Variants in ANKRD26 observed in about 807,000 individuals in gnomAD.
The protein encoded by ANKRD26 is ankyrin repeat domain 26.
Under a neutral mutation model 208.7 loss-of-function variants are expected in ANKRD26, and 141 were observed. That is an observed-to-expected ratio of 0.68 (90% confidence interval 0.59 to 0.78). The LOEUF is 0.78. Ranked by LOEUF, ANKRD26 falls within the 30% of genes least tolerant of loss-of-function variation. ANKRD26 has a pLI of 0.00. For synonymous variants in ANKRD26, 636 were observed against 660.4 expected, an observed-to-expected ratio of 0.96 and a Z score of 0.57; for missense variants, 1,889 against 1,938.7, an observed-to-expected ratio of 0.97 and a Z score of 0.48.
At chr10:27,057,458 T>C (rs2054877082) in intron 15 of ANKRD26, among the ~76,000 whole-genome samples, 1 of 152,222 alleles carries the variant, frequency 6.6e-6, no homozygotes, top group African/African-American at 2.4e-5. Context: ...TGTCTAACCA[T>C]TTTAGGTTTA....
rs11015495 is a variant in ANKRD26, at chr10:27,060,633, C to T, written c.1463-93G>A. 0.065 allele frequency: 62,580 copies of T among 967,032 alleles called. 2,322 individuals carry two copies. Among genetic ancestry groups the T allele is most frequent in the African/African-American group, 0.13 (7,804 of 59,902 alleles). 59.9% of individuals were successfully genotyped at this position (967,032 alleles called of 1,614,324 possible). A position where few individuals can be genotyped will look rare whatever the true frequency, so the allele number is the denominator to read the frequency against. On this transcript the variant is annotated intron_variant, in intron 13 of 33. Transcript: ENST00000376087. ...AGTGTTAGTATGACCAGAATCATCACGCTTGGTTTGAAAATGATTATGTTA... is the reference window on the plus strand; with the variant it reads ...AGTGTTAGTATGACCAGAATCATCATGCTTGGTTTGAAAATGATTATGTTA...
In ANKRD26 at chr10:26,996,024, C is replaced by T. The variant is rs183439914; in HGVS notation, c.563-877G>A. The stretch of plus-strand genomic sequence containing the variant: ...AACAACTATTGGCTGTGTGGATCTA[C>T]AGGAATTCTTGAGAAGGCACTGTAG... On this transcript the variant is annotated intron_variant, in intron 4 of 5. Transcript: ENST00000445828. Among the ~76,000 whole-genome samples, 3 of 152,120 alleles carry T rather than the reference C, an allele frequency of 2.0e-5. No homozygotes were observed. The East Asian group carries it at 5.8e-4, about 29-fold the overall frequency.
chr10:26,951,013 C>CTTTTCTTTTTTTTTTTTTTTTTT, the ANKRD26 span, among the ~76,000 whole-genome samples: 31 of 100,912 alleles, frequency 3.1e-4, 4 homozygotes, highest in East Asian at 1.9e-3. Context: ...CTTTTCTTTT[C>CTTTTCTTTTTTTTTTTTTTTTTT]TTTTTCTTTT....
intron 16 of ANKRD26, among the ~76,000 whole-genome samples, chr10:27,050,219 CAAAAAAAAAAAAAAA>C (rs67384671): frequency 6.1e-5 from 2 of 33,036 alleles, no homozygotes; most frequent in South Asian, 2.3e-3. Flanking sequence ...GAATCTGTCT[CAAAAAAAAAAAAAAA>C]AAAAAAAAAA....
intron 32 of ANKRD26, among the ~76,000 whole-genome samples, chr10:27,008,899 G>T (rs904183833): frequency 7.2e-5 from 11 of 152,102 alleles, no homozygotes; most frequent in African/African-American, 9.7e-5. Flanking sequence ...GAGTGTAGTG[G>T]AGTAATCTCG....
At chr10:27,024,625 A>G in intron 27 of ANKRD26, 66 bp from the exon 28 acceptor site, 1 of 914,494 alleles carries the variant, frequency 1.1e-6, no homozygotes, top group Non-Finnish European at 1.8e-6. Context: ...TAAAACTATT[A>G]TTTCTTATGA....
chr10:26,990,543 C>T (rs1347742685), downstream of ANKRD26, among the ~76,000 whole-genome samples: 1 of 152,120 alleles, frequency 6.6e-6, no homozygotes, highest in African/African-American at 2.4e-5. Flanking sequence ...AGGTCAGTTC[C>T]TTATATGCAC....
At chr10:27,009,614 A>G (rs188557430) in intron 32 of ANKRD26, among the ~76,000 whole-genome samples, 1 of 152,350 alleles carries the variant, frequency 6.6e-6, no homozygotes, top group African/African-American at 2.4e-5. Context: ...TTTGAAATGT[A>G]TAGAGCAATA....
the ANKRD26 span, among the ~76,000 whole-genome samples, chr10:26,964,619 G>C: frequency 1.8e-3 from 276 of 152,292 alleles, no homozygotes; most frequent in Non-Finnish European, 2.4e-3. Context: ...TCTCTTGGGA[G>C]GTAAACACTA....
At chr10:27,037,763 A>G (rs1045066736) in intron 22 of ANKRD26, 108 bp downstream of exon 22, 11 of 912,648 alleles carry the variant, frequency 1.2e-5, no homozygotes, top group Middle Eastern at 3.3e-4. Context: ...TCAGCTTGAG[A>G]TAACAGTTTT....
rs762829051 is a variant in ANKRD26 at position 27,096,976 on chromosome 10, G to A, written c.242+3109C>T. 3.6e-4 allele frequency among the ~76,000 whole-genome samples: 55 copies of A among 151,620 alleles called. 1 individual carries two copies. The highest frequency in any genetic ancestry group is 6.8e-3 in the Middle Eastern group (2 of 292). On this transcript the variant is annotated intron_variant, in intron 1 of 33. Coordinates refer to ENST00000376087, the MANE Select transcript of ANKRD26 (RefSeq NM_014915.3). ...GCAGGCAGATCACTTGAGGTTAGGA[G>A]TTTGAGACCAGCCTGGCCAACAGGG...
At chr10:26,964,056 G>A in the ANKRD26 span, among the ~76,000 whole-genome samples, 49,939 of 150,936 alleles carry the variant, frequency 0.33, 10,516 homozygotes, top group Non-Finnish European at 0.47. Context: ...TGGGATTACA[G>A]GCGCACCACC....
At chr10:27,045,870 C>CA (rs2054424574) in intron 18 of ANKRD26, among the ~76,000 whole-genome samples, 1 of 151,984 alleles carries the variant, frequency 6.6e-6, no homozygotes, top group African/African-American at 2.4e-5. Flanking sequence ...AACCTCTTAG[C>CA]AAAAAACTAC....
chr10:27,006,917 CTTCT>C lies in ANKRD26; in HGVS notation c.4995_4998del (p.Glu1666LeufsTer10), dbSNP rs1564348376. 8.7e-6 allele frequency: 14 copies of C among 1,607,590 alleles called. No homozygotes were observed. Among genetic ancestry groups the C allele is most frequent in the Non-Finnish European group, 8.5e-6 (10 of 1,175,480 alleles). On this transcript the variant is annotated frameshift_variant and splice_region_variant, in exon 33 of 34. Coordinates refer to ENST00000376087, the MANE Select transcript of ANKRD26 (RefSeq NM_014915.3). LOFTEE classifies it low-confidence loss of function (END_TRUNC). ...TAATTCATGAAGTTTGGCAACATAC[CTTCT>C]TTGAGTTCTCTAGTTATATTTTTTT...
intron 15 of ANKRD26, among the ~76,000 whole-genome samples, chr10:27,060,140 T>A (rs904311735): frequency 6.8e-6 from 1 of 147,826 alleles, no homozygotes; most frequent in Non-Finnish European, 1.5e-5. Flanking sequence ...GAGGCGGAGG[T>A]TGCAGTGAGC....
chr10:27,051,169 A>G (rs951176845), intron 16 of ANKRD26: 2 of 1,289,758 alleles, frequency 1.6e-6, no homozygotes, highest in African/African-American at 3.0e-5. Context: ...TCTTTTAGAG[A>G]TACTTTTGAT....
chr10:27,044,669 A>G (rs987060301), intron 18 of ANKRD26, among the ~76,000 whole-genome samples: 1 of 152,198 alleles, frequency 6.6e-6, no homozygotes, highest in Non-Finnish European at 1.5e-5. Flanking sequence ...CTCACAATGC[A>G]GGTACTATGC....
chr10:27,061,150 G>A lies in ANKRD26; in HGVS notation c.1456C>T (p.His486Tyr). 2 of 1,605,006 alleles carry A rather than the reference G, an allele frequency of 1.2e-6. No individual in the cohort carries two copies. The highest frequency in any genetic ancestry group is 1.7e-6 in the Non-Finnish European group (2 of 1,172,134). Residue 486 changes from histidine (H) to tyrosine (Y), a missense_variant, in exon 13 of 34, where the codon CAC (histidine) becomes TAC (tyrosine). By Grantham distance (83) the His-to-Tyr change is moderately conservative. This residue lies in a region of ANKRD26 where 1,272 missense variants were observed against 1,273.8 expected (regional missense o/e 1.00). Transcript: ENST00000376087. ...DTRNVGMPVAHMESPERYLHL... is the reference protein window; with the variant it reads ...DTRNVGMPVAYMESPERYLHL... ...ACGCATTTTTTTTCCATACCCATGT[G>A]GGCTACTGGCATGCCTACATTTCTT...
chr10:27,048,795 G>C lies in ANKRD26; in HGVS notation c.1814+6C>G, dbSNP rs1229923753. The C allele has an allele frequency of 1.2e-6, 2 of 1,609,684 alleles. No homozygotes were observed. The highest frequency in any genetic ancestry group is 2.2e-5 in the South Asian group (2 of 90,878). On this transcript the variant is annotated splice_donor_region_variant and intron_variant, in intron 17 of 33. Coordinates refer to ENST00000376087, the MANE Select transcript of ANKRD26 (RefSeq NM_014915.3). ...TTATCTGCTGTTAAATATGCTATCA[G>C]CTTACCTAGCATACTCTTTATTTTC...
Sources: allele counts gnomAD v4.1 joint callset (sites outside exome capture counted in the v4.1 genomes callset), GRCh38; gene constraint gnomAD v4.1.1; regional missense constraint gnomAD v4.1.1; transcripts MANE v1.5; gene names NCBI Gene and HGNC (gene_info 2026-07-23, HGNC 2026-07-21).